PLCH2: variants seen among roughly 807,000 people sequenced by gnomAD.
PLCH2 encodes phospholipase C eta 2.
PLCH2 carries 98 observed loss-of-function variants against 134.7 expected under a neutral mutation model. The ratio of observed to expected loss-of-function variants is 0.73; its 90% CI spans 0.62 to 0.86. The LOEUF (loss-of-function observed/expected upper bound fraction) is 0.86. Among genes scored for constraint, PLCH2 ranks in the 40% least tolerant of loss-of-function variants. The pLI is 0.00. For missense variants in PLCH2, 1,994 were observed against 1,986.6 expected, an observed-to-expected ratio of 1.00 and a Z score of -0.07; for synonymous variants, 974 against 827.5, an observed-to-expected ratio of 1.18 and a Z score of -3.04.
At chr1:2,463,037 C>T (rs1640898383), upstream of PLCH2, among the ~76,000 whole-genome samples, 1 of 152,216 alleles carries the variant, frequency 6.6e-6, no homozygotes, top group African/African-American at 2.4e-5. Context: ...GTGTCTCTCC[C>T]AGCCGCAGAG....
chr1:2,485,989 G>T (rs1280448632), intron 5 of PLCH2, among the ~76,000 whole-genome samples: 1 of 152,124 alleles, frequency 6.6e-6, no homozygotes, highest in Non-Finnish European at 1.5e-5. Context: ...CACCCGGGAC[G>T]CATGGCCCAG....
chr1:2,498,393 T>C lies in PLCH2; in HGVS notation c.2225-130T>C, dbSNP rs1570479928. On this transcript the variant is annotated intron_variant, in intron 16 of 21. Transcript: ENST00000378486. This position sits in a 1 kb window ranked among gnomAD's most constrained non-coding sequence, Gnocchi z 5.4. ...GTGCCCCCCTGGACCACTGCCTCCC[T>C]CCCTCCCCCTGGCACCGGCTCCAGT... 2 of 1,053,538 alleles carry C rather than the reference T, an allele frequency of 1.9e-6. No individual in the cohort carries two copies. The highest frequency in any genetic ancestry group is 3.2e-5 in the African/African-American group (2 of 62,320). 65.3% of individuals were successfully genotyped at this position (1,053,538 alleles called of 1,614,324 possible). A position where few individuals can be genotyped will look rare whatever the true frequency, so the allele number is the denominator to read the frequency against.
At position 2,491,262 on chromosome 1, in the gene PLCH2, A is replaced by G. The variant is rs779509110; in HGVS notation, c.1586A>G (p.Lys529Arg). 15 of 1,613,242 alleles carry G rather than the reference A, an allele frequency of 9.3e-6. No homozygotes were observed. The East Asian group carries it at 3.1e-4, about 34-fold the overall frequency. Residue 529 changes from lysine (K) to arginine (R), a missense_variant, in exon 11 of 22, where the codon AAG becomes AGG. This residue lies in a region of PLCH2 where 1,094 missense variants were observed against 1,234.3 expected (regional missense o/e 0.89). Coordinates refer to ENST00000378486, the MANE Select transcript of PLCH2 (RefSeq NM_014638.4). ...RKLDSLIKESKIRDCEDPNNF... is the reference protein window; with the variant it reads ...RKLDSLIKESRIRDCEDPNNF... ...CTGGATTCCCTCATCAAAGAGTCGA[A>G]GATTCGGGACTGTGAGGACCCCAAC...
chr1:2,504,154 C>T lies in PLCH2; in HGVS notation c.3192C>T (p.Ala1064=), dbSNP rs762739209. ...CTCGGCCGTGCAACGGCGAGGGCGC[C>T]GGCGGGGCATACGAGAGGGCCCCCG... ...SRPRPCNGEG[A]GGAYERAPGS... is the part of the protein sequence containing the mutation. Residue 1064 remains alanine, a synonymous_variant, in exon 22 of 22, where the codon GCC becomes GCT. Coordinates refer to ENST00000378486, the MANE Select transcript of PLCH2 (RefSeq NM_014638.4). The T allele has an allele frequency of 5.8e-5, 89 of 1,524,102 alleles. No homozygotes were observed. Among genetic ancestry groups the T allele is most frequent in the Non-Finnish European group, 6.3e-5 (72 of 1,137,644 alleles). The allele number at this position is 1,524,102 out of a possible 1,614,324, so 94.4% of individuals were successfully genotyped here.
upstream of PLCH2, among the ~76,000 whole-genome samples, chr1:2,473,824 A>G (rs377043904): frequency 4.6e-5 from 7 of 152,216 alleles, no homozygotes; most frequent in East Asian, 1.2e-3. Flanking sequence ...GACGGAGCCT[A>G]TATCTGCCCG....
chr1:2,418,231 G>T, the PLCH2 span, among the ~76,000 whole-genome samples: 13 of 152,326 alleles, frequency 8.5e-5, no homozygotes, highest in East Asian at 2.5e-3. Flanking sequence ...TTTGGAAACT[G>T]CACTGAACTG....
intron 2 of PLCH2, among the ~76,000 whole-genome samples, chr1:2,457,454 C>A (rs1199506164): frequency 1.3e-5 from 2 of 152,186 alleles, no homozygotes; most frequent in Non-Finnish European, 2.9e-5. Context: ...AGCTTCTCGC[C>A]AGGGTTCCCC....
chr1:2,447,640 G>T (rs1640003420), intron 2 of PLCH2, among the ~76,000 whole-genome samples: 1 of 152,180 alleles, frequency 6.6e-6, no homozygotes, highest in Admixed American at 6.5e-5. Flanking sequence ...GGGGGTGGGG[G>T]CAAGTTGCTG....
At chr1:2,502,902 TC>T (rs1318795729) in intron 21 of PLCH2, 1 of 717,056 alleles carries the variant, frequency 1.4e-6, no homozygotes, top group Non-Finnish European at 2.6e-6. Context: ...TCCCCCATGT[TC>T]TCCGCCGGTA....
chr1:2,467,313 C>T, upstream of PLCH2: 1 of 335,888 alleles, frequency 3.0e-6, no homozygotes, highest in Non-Finnish European at 5.4e-6. Flanking sequence ...CCAGAGACCC[C>T]AGCCCAGGTG....
the PLCH2 span, among the ~76,000 whole-genome samples, chr1:2,420,004 A>C: frequency 3.0e-4 from 2 of 6,762 alleles, no homozygotes; most frequent in African/African-American, 6.6e-4. Flanking sequence ...CGCTCCCCCC[A>C]CTACCCCCTC....
chr1:2,499,239 G>C lies in PLCH2; in HGVS notation c.2581+9G>C. ...CAGCAGCATGATGCCAGGTGGGCAG[G>C]AGTGGACACGGTGCCCCCCACACTG... On this transcript the variant is annotated intron_variant, in intron 19 of 21. Transcript: ENST00000378486. The C allele has an allele frequency of 6.2e-7, 1 of 1,612,344 alleles. No homozygotes were observed. Among genetic ancestry groups the C allele is most frequent in the Non-Finnish European group, 8.5e-7 (1 of 1,179,610 alleles).
rs760083072 is a variant in PLCH2, at chr1:2,505,042, G to A, written c.4080G>A (p.Gln1360=). ...GGGCCCGCCAGGCCCAGGAGCGGCA[G>A]CAGAGACTGCAGGGCCTGGGCCGGC... The part of the protein sequence containing the change: ...ASRARQAQER[Q]QRLQGLGRQG... Residue 1360 remains glutamine, a synonymous_variant, in exon 22 of 22, where the codon CAG becomes CAA. Coordinates refer to ENST00000378486, the MANE Select transcript of PLCH2 (RefSeq NM_014638.4). The A allele has an allele frequency of 7.1e-6, 11 of 1,542,798 alleles. No individual in the cohort carries two copies. In the Admixed American group the frequency reaches 1.3e-4, roughly 19 times the overall value.
chr1:2,418,181 G>A, the PLCH2 span, among the ~76,000 whole-genome samples: 1 of 152,196 alleles, frequency 6.6e-6, no homozygotes, highest in Admixed American at 6.5e-5. Flanking sequence ...ACGTTGCTCT[G>A]TCTTCAGCCC....
chr1:2,452,774 G>A (rs1640306722), intron 2 of PLCH2, among the ~76,000 whole-genome samples: 1 of 152,220 alleles, frequency 6.6e-6, no homozygotes, highest in Admixed American at 6.5e-5. Context: ...GGGAGGGCCT[G>A]GAGCTTGGCC....
At chr1:2,452,379 G>A (rs1640285673) in intron 2 of PLCH2, among the ~76,000 whole-genome samples, 1 of 152,210 alleles carries the variant, frequency 6.6e-6, no homozygotes, top group Non-Finnish European at 1.5e-5. Context: ...GTCCTGGAGT[G>A]AGCCCCGTGG....
upstream of PLCH2, among the ~76,000 whole-genome samples, chr1:2,472,361 C>T (rs1641365148): frequency 6.6e-6 from 1 of 152,214 alleles, no homozygotes; most frequent in African/African-American, 2.4e-5. Flanking sequence ...TCCCGTCCAC[C>T]CAAGCACAGC....
intron 2 of PLCH2, among the ~76,000 whole-genome samples, chr1:2,431,141 C>T (rs544874744): frequency 1.2e-4 from 19 of 152,148 alleles, no homozygotes; most frequent in African/African-American, 3.6e-4. Flanking sequence ...CCTGCGTGTG[C>T]GTGTGCGTGT....
chr1:2,425,971 C>T (rs1355835834), upstream of PLCH2: 1 of 152,282 alleles, frequency 6.6e-6, no homozygotes, highest in Non-Finnish European at 1.5e-5. Flanking sequence ...AGCCTCCTCC[C>T]AGGAAAACGC....
Sources: gnomAD v4.1 joint callset for allele counts (sites outside exome capture counted in the v4.1 genomes callset) on GRCh38, gnomAD v4.1.1 for gene constraint, gnomAD v4.1.1 regional missense constraint, Gnocchi (gnomAD v3.1) non-coding constraint, MANE v1.5 for transcripts, NCBI Gene and HGNC (gene_info 2026-07-23, HGNC 2026-07-21) for gene names.